Variants in HNF4A observed in about 807,000 individuals in gnomAD.
HNF4A encodes hepatocyte nuclear factor 4-alpha.
A neutral mutation model predicts 52.4 loss-of-function variants in HNF4A; 15 were observed. The ratio of observed to expected loss-of-function variants is 0.29; its 90% CI spans 0.19 to 0.44. The LOEUF is 0.44. HNF4A is among the 20% of genes least tolerant of loss of function. The pLI is 1.00. For missense variants in HNF4A, 479 were observed against 647.2 expected (o/e 0.74, Z 2.82); for synonymous variants, 280 against 264.4 (o/e 1.06, Z -0.57).
chr20:44,367,107 G>A (rs1040413352), intron 1 of HNF4A, among the ~76,000 whole-genome samples: 4 of 152,122 alleles, frequency 2.6e-5, no homozygotes, highest in African/African-American at 9.7e-5. Flanking sequence ...AGGCCAAGGT[G>A]AGTGGATCAC....
Position 44,428,304 on chromosome 20 carries a change from C to T in HNF4A, c.1130-31C>T. 1.9e-6 allele frequency: 3 copies of T among 1,613,010 alleles called. No homozygotes were observed. The South Asian group carries it at 3.3e-5, about 18-fold the overall frequency. The stretch of plus-strand genomic sequence containing the variant: ...AGGCCTGAGGTCTGCATCCCAGACT[C>T]TCCATCCTGATCGACCTTCTCTACC... On this transcript the variant is annotated intron_variant, in intron 8 of 9. Coordinates refer to ENST00000316099, the MANE Select transcript of HNF4A (RefSeq NM_000457.6).
chr20:44,404,937 T>TGTGC (rs1189953286), intron 1 of HNF4A, among the ~76,000 whole-genome samples: 4 of 121,342 alleles, frequency 3.3e-5, no homozygotes, highest in African/African-American at 1.3e-4. Flanking sequence ...GTGGTGTGTG[T>TGTGC]GCGTGTGTGG....
At chr20:44,361,915 C>T (rs896390750) in intron 1 of HNF4A, among the ~76,000 whole-genome samples, 3 of 152,026 alleles carry the variant, frequency 2.0e-5, no homozygotes, top group Non-Finnish European at 2.9e-5. Flanking sequence ...GCTGGAACCT[C>T]GGTTTAGCAG....
At chr20:44,423,921 C>A in intron 7 of HNF4A, 97 bp from the exon 8 acceptor site, 1 of 1,160,020 alleles carries the variant, frequency 8.6e-7, no homozygotes, top group Non-Finnish European at 1.3e-6. Flanking sequence ...CTGAAGACTC[C>A]TTGTGTGATA....
At chr20:44,428,308 A>G (rs776417948) in intron 8 of HNF4A, 27 bp from the exon 9 acceptor site, 2 of 1,613,288 alleles carry the variant, frequency 1.2e-6, no homozygotes, top group South Asian at 2.2e-5. Context: ...CAGACTCTCC[A>G]TCCTGATCGA....
intron 1 of HNF4A, among the ~76,000 whole-genome samples, chr20:44,367,225 C>T (rs1403565444): frequency 6.6e-6 from 1 of 151,792 alleles, no homozygotes; most frequent in Non-Finnish European, 1.5e-5. Context: ...ATCCCAGCTA[C>T]TCGGGAGGCT....
chr20:44,361,619 A>T (rs1185817374), intron 1 of HNF4A, among the ~76,000 whole-genome samples: 1 of 151,988 alleles, frequency 6.6e-6, no homozygotes, highest in Non-Finnish European at 1.5e-5. Context: ...CAGAGGTTGC[A>T]GTGAGCCAAG....
intron 8 of HNF4A, among the ~76,000 whole-genome samples, chr20:44,427,447 G>A (rs1030447981): frequency 1.3e-5 from 2 of 152,196 alleles, no homozygotes; most frequent in Non-Finnish European, 2.9e-5. Context: ...TACCTGGCAC[G>A]TGATAATTGT....
At chr20:44,387,666 G>A (rs1225373060) in intron 1 of HNF4A, among the ~76,000 whole-genome samples, 1 of 91,328 alleles carries the variant, frequency 1.1e-5, no homozygotes, top group Non-Finnish European at 2.5e-5. Flanking sequence ...GGGGGGGGGG[G>A]GAGGCGGGGG....
At position 44,363,706 on chromosome 20, in the gene HNF4A, CTTTTTTTTT is replaced by C. The variant is rs11480026; in HGVS notation, c.49+7867_49+7875del. The stretch of plus-strand genomic sequence containing the variant: ...TTCTCCTGCTGTTTCTCCATCTACT[CTTTTTTTTT>C]TTTTTTTTTTTTTGAGACAGAGTCT... On this transcript the variant is annotated intron_variant, in intron 1 of 9. Transcript: ENST00000316673. Among the ~76,000 whole-genome samples, 1,012 of 107,502 alleles carry C rather than the reference CTTTTTTTTT, an allele frequency of 9.4e-3. 12 individuals carry two copies. Among genetic ancestry groups the C allele is most frequent in the African/African-American group, 0.032 (975 of 30,030 alleles). The allele number at this position is 107,502 out of a possible 152,430, so 70.5% of individuals were successfully genotyped here.
rs201319115 is a variant in HNF4A, at chr20:44,428,340, C to G, written c.1135C>G (p.Pro379Ala). 24 of 1,613,952 alleles carry G rather than the reference C, an allele frequency of 1.5e-5. No homozygotes were observed. The highest frequency in any genetic ancestry group is 1.9e-5 in the Non-Finnish European group (23 of 1,180,022). Residue 379 changes from proline to alanine, a missense_variant, in exon 9 of 10, where the codon CCC (proline) becomes GCC (alanine). By Grantham distance (27) the Pro-to-Ala change is conservative (BLOSUM62 -1). Coordinates refer to ENST00000316099, the MANE Select transcript of HNF4A (RefSeq NM_000457.6). ...TCGACCTTCTCTACCTGCAGGGTCCCCCAGCGATGCACCCCATGCCCACCA... is the reference window on the plus strand; with the variant it reads ...TCGACCTTCTCTACCTGCAGGGTCCGCCAGCGATGCACCCCATGCCCACCA...
intron 1 of HNF4A, chr20:44,402,695 T>C (rs2063428449): frequency 8.7e-6 from 10 of 1,150,904 alleles, no homozygotes; most frequent in Non-Finnish European, 1.1e-5. Context: ...AAGAGCCCCA[T>C]CGGTCCCAGG....
chr20:44,420,787 C>G (rs2063733720), intron 7 of HNF4A, among the ~76,000 whole-genome samples: 2 of 152,094 alleles, frequency 1.3e-5, no homozygotes, highest in South Asian at 4.2e-4. Context: ...CACTGCACTC[C>G]AGTCTGGGTG....
chr20:44,422,023 AATT>A (rs112285559), intron 7 of HNF4A, among the ~76,000 whole-genome samples: 13 of 151,706 alleles, frequency 8.6e-5, no homozygotes, highest in African/African-American at 2.7e-4. Context: ...GTGAAGTAGG[AATT>A]ATTATTATCT....
intron 6 of HNF4A, among the ~76,000 whole-genome samples, chr20:44,419,256 T>C (rs1296705124): frequency 6.6e-6 from 1 of 152,218 alleles, no homozygotes; most frequent in Non-Finnish European, 1.5e-5. Context: ...TATTTTAATA[T>C]AACAATGCTA....
intron 1 of HNF4A, among the ~76,000 whole-genome samples, chr20:44,404,832 GT>G (rs1385999333): frequency 6.7e-5 from 5 of 74,864 alleles, no homozygotes; most frequent in African/African-American, 3.0e-4. Flanking sequence ...GTGAACTGTG[GT>G]GTGTGTGTGC....
At chr20:44,407,757 TTGTGTG>T (rs35406830) in intron 3 of HNF4A, among the ~76,000 whole-genome samples, 29 of 145,944 alleles carry the variant, frequency 2.0e-4, no homozygotes, top group South Asian at 6.8e-4. Context: ...AGCAGCCACG[TTGTGTG>T]TGTGTGTGTG....
chr20:44,428,255 A>AT, intron 8 of HNF4A, 80 bp from the exon 9 acceptor site: 5 of 1,475,554 alleles, frequency 3.4e-6, no homozygotes, highest in Non-Finnish European at 4.7e-6. Context: ...TTGATTGGCC[A>AT]CGCCTGAGGA....
At chr20:44,401,930 C>A (rs1218587606) in intron 1 of HNF4A, among the ~76,000 whole-genome samples, 1 of 152,082 alleles carries the variant, frequency 6.6e-6, no homozygotes. Flanking sequence ...GGAGACATAA[C>A]CGCATTTCTC....
Sources: gnomAD v4.1 joint callset for allele counts (sites outside exome capture counted in the v4.1 genomes callset) on GRCh38, gnomAD v4.1.1 for gene constraint, MANE v1.5 for transcripts, NCBI Gene and HGNC (gene_info 2026-07-23, HGNC 2026-07-21) for gene names.